CNBD1: variants seen among roughly 807,000 people sequenced by gnomAD.
CNBD1 encodes the protein cyclic nucleotide binding domain containing 1, also known as cyclic nucleotide-binding domain-containing protein 1.
In CNBD1, 71 loss-of-function variants were observed where a neutral mutation model predicts 54.4. That is an observed-to-expected ratio of 1.30 (90% CI 1.08 to 1.59). CNBD1 has a LOEUF of 1.59. Among genes scored for constraint, CNBD1 ranks in the 40% most tolerant of loss-of-function variants. CNBD1 has a pLI of 0.00. For synonymous variants in CNBD1, 182 were observed against 170.7 expected (o/e 1.07, Z -0.51); for missense variants, 659 against 518.0 (o/e 1.27, Z -2.64).
In CNBD1 at chr8:87,223,163, G is replaced by A. The variant is rs553470456; in HGVS notation, c.578-13756G>A. On this transcript the variant is annotated intron_variant, in intron 5 of 10. Transcript: ENST00000518476. The stretch of plus-strand genomic sequence containing the variant: ...TCAATAGCCATCAAGTTTGCCATAC[G>A]TATTTAATCTATCCTCCCTTTACCT... 1.6e-3 allele frequency among the ~76,000 whole-genome samples: 230 copies of A among 147,560 alleles called. 1 individual carries two copies. Among genetic ancestry groups the A allele is most frequent in the South Asian group, 4.3e-3 (20 of 4,688 alleles).
intron 4 of CNBD1, among the ~76,000 whole-genome samples, chr8:86,951,581 CAAAAAAAAAAAAAAAAAAAA>C (rs71275901): frequency 1.1e-3 from 42 of 37,360 alleles, no homozygotes; most frequent in East Asian, 2.7e-3. Context: ...CTCCGTCTCA[CAAAAAAAAAAAAAAAAAAAA>C]AAAAAAAAAA....
intron 3 of CNBD1, among the ~76,000 whole-genome samples, chr8:86,929,543 C>G (rs1334854456): frequency 6.6e-6 from 1 of 152,204 alleles, no homozygotes; most frequent in Non-Finnish European, 1.5e-5. Context: ...CTAAGAGATT[C>G]TCTCAGGCAG....
At chr8:87,103,533 A>T (rs1811473502) in intron 4 of CNBD1, among the ~76,000 whole-genome samples, 1 of 152,234 alleles carries the variant, frequency 6.6e-6, no homozygotes, top group Non-Finnish European at 1.5e-5. Flanking sequence ...CAGAAAACTT[A>T]CAGTCACGGC....
chr8:87,292,794 C>A (rs1808811117), intron 8 of CNBD1, among the ~76,000 whole-genome samples: 1 of 152,170 alleles, frequency 6.6e-6, no homozygotes, highest in Non-Finnish European at 1.5e-5. Flanking sequence ...GCTCTCCTTG[C>A]AACCATGGTG....
intron 8 of CNBD1, among the ~76,000 whole-genome samples, chr8:87,311,371 A>G (rs540347265): frequency 6.6e-6 from 1 of 152,154 alleles, no homozygotes; most frequent in Non-Finnish European, 1.5e-5. Flanking sequence ...TAATTATCAG[A>G]GAAATGCAAA....
intron 4 of CNBD1, among the ~76,000 whole-genome samples, chr8:87,180,235 T>G (rs963345789): frequency 6.6e-6 from 1 of 152,160 alleles, no homozygotes; most frequent in Non-Finnish European, 1.5e-5. Context: ...CTGAAACTAT[T>G]CATTATATTT....
chr8:86,872,713 G>A (rs1467504757), intron 1 of CNBD1, among the ~76,000 whole-genome samples: 1 of 151,956 alleles, frequency 6.6e-6, no homozygotes, highest in Admixed American at 6.6e-5. Flanking sequence ...GCCATTCATG[G>A]GTCTTATTCT....
intron 6 of CNBD1, among the ~76,000 whole-genome samples, chr8:87,245,746 A>C (rs945171248): frequency 5.3e-5 from 8 of 151,964 alleles, no homozygotes; most frequent in Non-Finnish European, 8.8e-5. Flanking sequence ...TTACCTATTA[A>C]TTTATAAGAC....
chr8:87,408,088 ATTC>A (rs1807680332), intron 2 of CNBD1, among the ~76,000 whole-genome samples: 1 of 152,012 alleles, frequency 6.6e-6, no homozygotes, highest in African/African-American at 2.4e-5. Flanking sequence ...TCTTCTAGAT[ATTC>A]TTCTTCGTTG....
chr8:87,064,169 C>A (rs1810599414), intron 4 of CNBD1, among the ~76,000 whole-genome samples: 1 of 151,974 alleles, frequency 6.6e-6, no homozygotes, highest in African/African-American at 2.4e-5. Flanking sequence ...TGGTTCTCTC[C>A]ATAACCTAAA....
intron 2 of CNBD1, among the ~76,000 whole-genome samples, chr8:87,404,895 G>A (rs777532327): frequency 2.0e-5 from 3 of 151,882 alleles, no homozygotes; most frequent in Non-Finnish European, 4.4e-5. Context: ...TGGCATCTTT[G>A]CTTCTGTATA....
intron 4 of CNBD1, among the ~76,000 whole-genome samples, chr8:87,120,709 C>G (rs1041644741): frequency 6.6e-6 from 1 of 151,718 alleles, no homozygotes; most frequent in Non-Finnish European, 1.5e-5. Context: ...TATAAACTTC[C>G]CTGTTAGCAC....
intron 4 of CNBD1, among the ~76,000 whole-genome samples, chr8:87,180,339 T>TA (rs1813286152): frequency 6.6e-6 from 1 of 152,204 alleles, no homozygotes. Context: ...TATATATTTT[T>TA]ATCACCTTTT....
chr8:87,328,577 G>A (rs927812669), intron 8 of CNBD1, among the ~76,000 whole-genome samples: 1 of 151,224 alleles, frequency 6.6e-6, no homozygotes, highest in Non-Finnish European at 1.5e-5. Flanking sequence ...AGATTGTTTT[G>A]ACTGCTTGGA....
rs142552538 is a variant in CNBD1 at position 87,259,255 on chromosome 8, T to C, written c.771+22143T>C. Among the ~76,000 whole-genome samples, 465 of 152,318 alleles carry C rather than the reference T, an allele frequency of 3.1e-3. 1 individual carries two copies. Among genetic ancestry groups the C allele is most frequent in the South Asian group, 5.4e-3 (26 of 4,832 alleles). On this transcript the variant is annotated intron_variant, in intron 6 of 10. Coordinates refer to ENST00000518476, the MANE Select transcript of CNBD1 (RefSeq NM_173538.3). Reference sequence around the variant, plus strand: ...GTCACTTTAGGACAAGAATTTACCATGAATTATATGAATTATCTTTTCTTT... The same window carrying C: ...GTCACTTTAGGACAAGAATTTACCACGAATTATATGAATTATCTTTTCTTT...
At chr8:87,201,028 CAT>C (rs1448116670) in intron 4 of CNBD1, among the ~76,000 whole-genome samples, 2 of 151,988 alleles carry the variant, frequency 1.3e-5, no homozygotes, top group African/African-American at 4.8e-5. Context: ...AATCCAGAAA[CAT>C]ATAAAAAACA....
intron 8 of CNBD1, among the ~76,000 whole-genome samples, chr8:87,330,346 T>C (rs1270441188): frequency 6.6e-6 from 1 of 151,838 alleles, no homozygotes; most frequent in Non-Finnish European, 1.5e-5. Context: ...TCAATTTTAT[T>C]AATTTTGGCT....
At chr8:87,050,940 A>T (rs1810298775) in intron 4 of CNBD1, among the ~76,000 whole-genome samples, 1 of 152,162 alleles carries the variant, frequency 6.6e-6, no homozygotes, top group South Asian at 2.1e-4. Flanking sequence ...GGAATCCTTA[A>T]GGTGAATCTG....
intron 6 of CNBD1, among the ~76,000 whole-genome samples, chr8:87,259,230 G>A (rs889808051): frequency 7.2e-5 from 11 of 152,036 alleles, no homozygotes; most frequent in East Asian, 1.9e-4. Flanking sequence ...TAAACAACCC[G>A]TCACTTTAGG....
Sources: allele counts gnomAD v4.1 joint callset (sites outside exome capture counted in the v4.1 genomes callset), GRCh38; gene constraint gnomAD v4.1.1; transcripts MANE v1.5; gene names NCBI Gene and HGNC (gene_info 2026-07-23, HGNC 2026-07-21).